Variants in PXN observed in about 807,000 individuals in gnomAD.
The protein encoded by PXN is testicular tissue protein Li 134.
Under a neutral mutation model 103.6 loss-of-function variants are expected in PXN, and 61 were observed. The observed-to-expected ratio is 0.59, with a 90% confidence interval of 0.48 to 0.73. The LOEUF (loss-of-function observed/expected upper bound fraction) is 0.73, where lower values mean the gene tolerates loss of function less well. Ranked by LOEUF, PXN falls within the 30% of genes least tolerant of loss-of-function variation. The pLI is 0.00. For missense variants in PXN, 1,274 were observed against 1,460.3 expected (o/e 0.87, Z 2.08); for synonymous variants, 562 against 607.8 (o/e 0.92, Z 1.11).
In PXN at chr12:120,224,005, CGTG is replaced by C. The variant is rs1317292399; in HGVS notation, c.240+143_240+145del. On this transcript the variant is annotated intron_variant, in intron 2 of 14. Coordinates refer to ENST00000637617, the MANE Select transcript of PXN (RefSeq NM_001385981.1). The surrounding 1 kb of genome is among the most constrained non-coding windows in gnomAD (Gnocchi z 5.0). ...AACCACTTGGTCACTGTTCCACTCA[CGTG>C]GTGAGTGGGAAGAGCAGTGTCTGGT... The C allele has an allele frequency of 3.4e-5, 27 of 798,758 alleles. No individual in the cohort carries two copies. Among genetic ancestry groups the C allele is most frequent in the Non-Finnish European group, 5.3e-5 (27 of 507,402 alleles). The allele number at this position is 798,758 out of a possible 1,614,324, so 49.5% of individuals were successfully genotyped here.
rs561227657 is a variant in PXN, at chr12:120,222,949, G to T, written c.407C>A (p.Thr136Lys). The change falls in exon 4 of 15, where the codon ACG becomes AAG. Residue 136 changes from threonine (T) to lysine (K), a missense_variant. Thr to Lys is a moderately conservative substitution (Grantham distance 78). Coordinates refer to ENST00000637617, the MANE Select transcript of PXN (RefSeq NM_001385981.1). The surrounding 1 kb of genome is among the most constrained non-coding windows in gnomAD (Gnocchi z 4.7). Reference protein sequence around the residue: ...SAEPSPTVMSTSLGSNLSELD... With the variant: ...SAEPSPTVMSKSLGSNLSELD... ...TTCAGAAAGGTTGCTGCCCAGGGAC[G>T]TGCTCATTACGGTGGGTGAAGGCTC... is the stretch of plus-strand genomic sequence containing the variant. 6.2e-7 allele frequency: 1 copy of T among 1,613,988 alleles called. No homozygotes were observed.
chr12:120,217,180 C>G lies in PXN; in HGVS notation c.1717-64G>C. ...CCCAGCTTGCACAACGCTGCTCAGG[C>G]CACACTCAGATGCCTCAGGAGAGGG... On this transcript the variant is annotated intron_variant, in intron 7 of 14. Coordinates refer to ENST00000637617, the MANE Select transcript of PXN (RefSeq NM_001385981.1). This position sits in a 1 kb window ranked among gnomAD's most constrained non-coding sequence, Gnocchi z 4.1. 1 of 1,337,058 alleles carries G rather than the reference C, an allele frequency of 7.5e-7. No individual in the cohort carries two copies. Among genetic ancestry groups the G allele is most frequent in the Non-Finnish European group, 1.0e-6 (1 of 969,208 alleles). 82.8% of individuals were successfully genotyped at this position (1,337,058 alleles called of 1,614,324 possible).
At position 120,215,624 on chromosome 12, in the gene PXN, C is replaced by T. The variant is rs1882622672; in HGVS notation, c.2339G>A (p.Cys780Tyr). The T allele has an allele frequency of 1.2e-6, 2 of 1,612,194 alleles. No homozygotes were observed. The highest frequency in any genetic ancestry group is 1.7e-5 in the Admixed American group (1 of 59,846). The change falls in exon 10 of 15, where the codon TGC (cysteine) becomes TAC (tyrosine). Residue 780 changes from cysteine (C) to tyrosine (Y), a missense_variant. Coordinates refer to ENST00000637617, the MANE Select transcript of PXN (RefSeq NM_001385981.1). This position sits in a 1 kb window ranked among gnomAD's most constrained non-coding sequence, Gnocchi z 4.9. ...GLEQRADGER[C>Y]WAAGWPRDGG... ...GTCCCGAGGCCAGCCGGCCGCCCAG[C>T]ACCGCTCCCCATCCGCTCTTTGCTC...
rs1351544332 is a variant in PXN at position 120,245,715 on chromosome 12, G to A, written c.13+19902C>T. Among the ~76,000 whole-genome samples, 3 of 150,564 alleles carry A rather than the reference G, an allele frequency of 2.0e-5. No individual in the cohort carries two copies. In the East Asian group the frequency reaches 5.9e-4, roughly 29 times the overall value. ...AGGCAGGAGAATGGCGTGAACCCAG[G>A]AGGCGGAGCTTTCAGTGAGCCGAGA... On this transcript the variant is annotated intron_variant, in intron 1 of 14. Transcript: ENST00000637617.
rs1471694342 is a variant in PXN, at chr12:120,229,565, T to A, written c.14-5188A>T. Among the ~76,000 whole-genome samples the A allele has an allele frequency of 1.3e-5, 2 of 152,184 alleles. No individual in the cohort carries two copies. The highest frequency in any genetic ancestry group is 2.4e-5 in the African/African-American group (1 of 41,440). On this transcript the variant is annotated intron_variant, in intron 1 of 14. Transcript: ENST00000637617. This position sits in a 1 kb window ranked among gnomAD's most constrained non-coding sequence, Gnocchi z 4.0. ...GCTTAACTGCTTTTGTGCCTCAGTT[T>A]CCTTGTCTGCCCAATAGGAATTCCA...
intron 1 of PXN, among the ~76,000 whole-genome samples, chr12:120,254,495 A>G (rs1052015389): frequency 7.2e-5 from 11 of 152,210 alleles, no homozygotes; most frequent in African/African-American, 2.2e-4. Flanking sequence ...TACGTATCCT[A>G]TGACAACATG....
rs192816753 is a variant in PXN at position 120,215,827 on chromosome 12, A to G, written c.2302-166T>C. ...AAAAATCTGGAGAAAAAGAGCCCTGAGAGAGAGGCCTAGGGAGAAAGGAAG... is the reference window on the plus strand; with the variant it reads ...AAAAATCTGGAGAAAAAGAGCCCTGGGAGAGAGGCCTAGGGAGAAAGGAAG... On this transcript the variant is annotated intron_variant, in intron 9 of 14. Coordinates refer to ENST00000637617, the MANE Select transcript of PXN (RefSeq NM_001385981.1). The surrounding 1 kb of genome is among the most constrained non-coding windows in gnomAD (Gnocchi z 4.9). The G allele has an allele frequency of 1.0e-4, 134 of 1,292,286 alleles. No individual in the cohort carries two copies. The highest frequency in any genetic ancestry group is 5.4e-4 in the Middle Eastern group (2 of 3,700). 80.1% of individuals were successfully genotyped at this position (1,292,286 alleles called of 1,614,324 possible). A position where few individuals can be genotyped will look rare whatever the true frequency, so the allele number is the denominator to read the frequency against.
chr12:120,236,031 A>G (rs895666456), intron 1 of PXN, among the ~76,000 whole-genome samples: 1 of 152,240 alleles, frequency 6.6e-6, no homozygotes, highest in Non-Finnish European at 1.5e-5. Context: ...ACCCACAGTC[A>G]GCATAGCTGT....
rs1158833153 is a variant in PXN at position 120,213,728 on chromosome 12, A to G, written c.2979+114T>C. On this transcript the variant is annotated intron_variant, in intron 14 of 14. Coordinates refer to ENST00000637617, the MANE Select transcript of PXN (RefSeq NM_001385981.1). The surrounding 1 kb of genome is among the most constrained non-coding windows in gnomAD (Gnocchi z 4.2). Reference sequence around the variant, plus strand: ...AGGAGATCCCCTGCCTGCTCCCCCAATTAATAACCCCAAATGAGGCCTCTG... The same window carrying G: ...AGGAGATCCCCTGCCTGCTCCCCCAGTTAATAACCCCAAATGAGGCCTCTG... 1.5e-5 allele frequency: 21 copies of G among 1,405,018 alleles called. No individual in the cohort carries two copies. The highest frequency in any genetic ancestry group is 2.9e-5 in the African/African-American group (2 of 69,724). 87.0% of individuals were successfully genotyped at this position (1,405,018 alleles called of 1,614,324 possible). A position where few individuals can be genotyped will look rare whatever the true frequency, so the allele number is the denominator to read the frequency against.
Position 120,215,905 on chromosome 12 carries a change from G to A in PXN, c.2302-244C>T. On this transcript the variant is annotated intron_variant, in intron 9 of 14. Coordinates refer to ENST00000637617, the MANE Select transcript of PXN (RefSeq NM_001385981.1). This position sits in a 1 kb window ranked among gnomAD's most constrained non-coding sequence, Gnocchi z 4.9. Reference sequence around the variant, plus strand: ...GCAGAGGAAATGGCAAGGGGAGGTGGCCGGGCTCAGTGATGAGGCCTCACC... The same window carrying A: ...GCAGAGGAAATGGCAAGGGGAGGTGACCGGGCTCAGTGATGAGGCCTCACC... 2 of 1,387,978 alleles carry A rather than the reference G, an allele frequency of 1.4e-6. No homozygotes were observed. The highest frequency in any genetic ancestry group is 1.7e-5 in the South Asian group (1 of 58,220). 86.0% of individuals were successfully genotyped at this position (1,387,978 alleles called of 1,614,324 possible). A position where few individuals can be genotyped will look rare whatever the true frequency, so the allele number is the denominator to read the frequency against.
At position 120,214,195 on chromosome 12, in the gene PXN, C is replaced by T. The variant is rs756374374; in HGVS notation, c.2771G>A (p.Arg924Gln). The T allele has an allele frequency of 5.8e-6, 9 of 1,551,710 alleles. No individual in the cohort carries two copies. The highest frequency in any genetic ancestry group is 2.4e-5 in the South Asian group (2 of 84,028). ...ILDKVVTALD[R>Q]TWHPEHFFCA... is the part of the protein sequence containing the mutation. The stretch of plus-strand genomic sequence containing the variant: ...GAAGAAGTGTTCAGGGTGCCACGTC[C>T]GGTCAAGGGCTGTCACCACTTTCTG... Residue 924 changes from arginine (R) to glutamine (Q), a missense_variant, in exon 13 of 15, where the codon CGG (arginine) becomes CAG (glutamine). Arg to Gln is a conservative substitution (Grantham distance 43). This residue lies in a region of PXN where 1,178 missense variants were observed against 1,309.0 expected (regional missense o/e 0.90). Coordinates refer to ENST00000637617, the MANE Select transcript of PXN (RefSeq NM_001385981.1). This position sits in a 1 kb window ranked among gnomAD's most constrained non-coding sequence, Gnocchi z 5.0.
Position 120,215,274 on chromosome 12 carries a change from CTG to C in PXN, c.2404-3_2404-2del. On this transcript the variant is annotated splice_acceptor_variant and splice_polypyrimidine_tract_variant and intron_variant, in intron 10 of 14. Transcript: ENST00000637617. LOFTEE classifies it high-confidence loss of function. The surrounding 1 kb of genome is among the most constrained non-coding windows in gnomAD (Gnocchi z 4.9). ...TCCCTGTCTTCCCCTGGGCCATGAA[CTG>C]TGGACACGGAGGGGGCTGGTCAGGA... 6.3e-7 allele frequency: 1 copy of C among 1,583,252 alleles called. No individual in the cohort carries two copies. The highest frequency in any genetic ancestry group is 2.3e-5 in the East Asian group (1 of 43,374).
chr12:120,245,490 C>CA (rs143728975), intron 1 of PXN, among the ~76,000 whole-genome samples: 5,987 of 150,192 alleles, frequency 0.04, 408 homozygotes, highest in African/African-American at 0.14. Context: ...CTTTAGTCTT[C>CA]AAAAAAAAAG....
chr12:120,237,237 C>A (rs1430765992), intron 1 of PXN, among the ~76,000 whole-genome samples: 1 of 151,782 alleles, frequency 6.6e-6, no homozygotes, highest in Admixed American at 6.6e-5. Context: ...CGGTTCACTG[C>A]AACCTCTGCC....
At chr12:120,235,887 G>A (rs1217584086) in intron 1 of PXN, among the ~76,000 whole-genome samples, 3 of 152,120 alleles carry the variant, frequency 2.0e-5, no homozygotes, top group East Asian at 1.9e-4. Context: ...GGCCTGCCCC[G>A]GGAACCAACC....
rs1408057785 is a variant in PXN at position 120,265,470 on chromosome 12, C to T, written c.13+147G>A. 2.1e-6 allele frequency: 2 copies of T among 942,184 alleles called. No homozygotes were observed. The highest frequency in any genetic ancestry group is 3.5e-5 in the East Asian group (1 of 28,422). 58.4% of individuals were successfully genotyped at this position (942,184 alleles called of 1,614,324 possible). The stretch of plus-strand genomic sequence containing the variant: ...CTAAGGCCCGGTTAGGGATCCCAGC[C>T]CCGCGGAGCCCCGGCCGGCAGGGAC... On this transcript the variant is annotated intron_variant, in intron 1 of 14. Transcript: ENST00000637617. This position sits in a 1 kb window ranked among gnomAD's most constrained non-coding sequence, Gnocchi z 5.7.
At chr12:120,256,715 T>TG (rs1213398189) in intron 1 of PXN, among the ~76,000 whole-genome samples, 4 of 151,990 alleles carry the variant, frequency 2.6e-5, no homozygotes, top group Non-Finnish European at 4.4e-5. Context: ...AGGGTTTTTT[T>TG]TTGTTGTTGT....
intron 1 of PXN, among the ~76,000 whole-genome samples, chr12:120,227,617 C>T (rs1172606184): frequency 6.6e-6 from 1 of 152,136 alleles, no homozygotes; most frequent in Admixed American, 6.5e-5. Flanking sequence ...CAAGTCCATC[C>T]ACCAGCCACA....
intron 1 of PXN, among the ~76,000 whole-genome samples, chr12:120,245,580 G>A: frequency 6.6e-6 from 1 of 151,872 alleles, no homozygotes; most frequent in East Asian, 1.9e-4. Context: ...AAGGTCAGGA[G>A]ATCAAGACCA....
Sources: gnomAD v4.1 joint callset for allele counts (sites outside exome capture counted in the v4.1 genomes callset) on GRCh38, gnomAD v4.1.1 for gene constraint, gnomAD v4.1.1 regional missense constraint, Gnocchi (gnomAD v3.1) non-coding constraint, MANE v1.5 for transcripts, NCBI Gene and HGNC (gene_info 2026-07-23, HGNC 2026-07-21) for gene names.